PPP1R9A: variants seen among roughly 807,000 people sequenced by gnomAD.
The protein encoded by PPP1R9A is protein phosphatase 1 regulatory subunit 9A, also known as neurabin-1.
Under a neutral mutation model 141.9 loss-of-function variants are expected in PPP1R9A, and 59 were observed. The ratio of observed to expected loss-of-function variants is 0.42; its 90% CI spans 0.34 to 0.52. The LOEUF is 0.52. PPP1R9A is among the 20% of genes least tolerant of loss of function. The pLI, the probability that PPP1R9A is intolerant of heterozygous loss-of-function variation, is 0.10. For synonymous variants in PPP1R9A, 500 were observed against 569.7 expected, an observed-to-expected ratio of 0.88 and a Z score of 1.74; for missense variants, 1,444 against 1,611.9, an observed-to-expected ratio of 0.90 and a Z score of 1.78.
At position 95,198,636 on chromosome 7, in the gene PPP1R9A, C is replaced by T. The variant is rs995665251; in HGVS notation, c.1890+152C>T. 85 of 860,726 alleles carry T rather than the reference C, an allele frequency of 9.9e-5. 1 individual carries two copies. Among genetic ancestry groups the T allele is most frequent in the Non-Finnish European group, 1.2e-4 (73 of 601,322 alleles). 53.3% of individuals were successfully genotyped at this position (860,726 alleles called of 1,614,324 possible). A position where few individuals can be genotyped will look rare whatever the true frequency, so the allele number is the denominator to read the frequency against. ...TCTACCTTAGAAAAGAAATACTACTCGCATCTGATATACGCTTAAGAATCA... is the reference window on the plus strand; with the variant it reads ...TCTACCTTAGAAAAGAAATACTACTTGCATCTGATATACGCTTAAGAATCA... On this transcript the variant is annotated intron_variant, in intron 6 of 19. Coordinates refer to ENST00000433360, the MANE Select transcript of PPP1R9A (RefSeq NM_001166160.2).
At chr7:95,055,543 C>T (rs536277261) in intron 2 of PPP1R9A, among the ~76,000 whole-genome samples, 4 of 152,150 alleles carry the variant, frequency 2.6e-5, no homozygotes, top group Non-Finnish European at 4.4e-5. Flanking sequence ...TCTTCTCCAT[C>T]GAGCTCACCA....
intron 4 of PPP1R9A, among the ~76,000 whole-genome samples, chr7:95,157,719 A>T (rs1463268877): frequency 1.3e-5 from 2 of 152,240 alleles, no homozygotes; most frequent in African/African-American, 2.4e-5. Context: ...TAATGCATTC[A>T]TATGACATTG....
intron 2 of PPP1R9A, among the ~76,000 whole-genome samples, chr7:95,100,344 C>A (rs1374729280): frequency 5.3e-5 from 8 of 152,120 alleles, no homozygotes; most frequent in Non-Finnish European, 2.9e-5. Flanking sequence ...TACAAAAATA[C>A]ATACTTGATT....
chr7:94,917,066 T>G (rs544335988), intron 2 of PPP1R9A, among the ~76,000 whole-genome samples: 1 of 152,208 alleles, frequency 6.6e-6, no homozygotes, highest in African/African-American at 2.4e-5. Flanking sequence ...TCTGACCGCG[T>G]TGGCCTCCCA....
chr7:94,983,965 G>T (rs1563080846), intron 2 of PPP1R9A, among the ~76,000 whole-genome samples: 3 of 152,140 alleles, frequency 2.0e-5, no homozygotes, highest in Non-Finnish European at 4.4e-5. Context: ...CTGGCTGTGG[G>T]TTTGTCATAA....
At chr7:95,004,948 T>G (rs1215702119) in intron 2 of PPP1R9A, among the ~76,000 whole-genome samples, 2 of 152,200 alleles carry the variant, frequency 1.3e-5, no homozygotes, top group Non-Finnish European at 2.9e-5. Context: ...AGGATTTTAA[T>G]ATATTTTTCT....
At chr7:94,936,648 A>AGG (rs371458707) in intron 2 of PPP1R9A, among the ~76,000 whole-genome samples, 2 of 112,720 alleles carry the variant, frequency 1.8e-5, no homozygotes, top group South Asian at 3.8e-4. Context: ...GAGACTGTGT[A>AGG]GGGGTGTGTG....
At chr7:94,921,861 G>A (rs1792885312) in intron 2 of PPP1R9A, among the ~76,000 whole-genome samples, 1 of 151,754 alleles carries the variant, frequency 6.6e-6, no homozygotes, top group Admixed American at 6.6e-5. Context: ...AAACCTGTAA[G>A]TAAGTCTTTT....
rs1026726765 is a variant in PPP1R9A at position 95,270,225 on chromosome 7, G to A, written c.3124+718G>A. Among the ~76,000 whole-genome samples, 7 of 152,244 alleles carry A rather than the reference G, an allele frequency of 4.6e-5. No individual in the cohort carries two copies. The South Asian group carries it at 1.5e-3, about 32-fold the overall frequency. On this transcript the variant is annotated intron_variant, in intron 14 of 19. Coordinates refer to ENST00000433360, the MANE Select transcript of PPP1R9A (RefSeq NM_001166160.2). ...AAGCTTCCTGATGCCTGGTCTAGAA[G>A]TATATTTTCTTATACTCAAAATTGC...
intron 2 of PPP1R9A, among the ~76,000 whole-genome samples, chr7:95,068,700 A>G (rs1813333647): frequency 6.7e-6 from 1 of 150,106 alleles, no homozygotes; most frequent in Admixed American, 6.7e-5. Flanking sequence ...AATTGAGCTT[A>G]TGCTCTCAGC....
chr7:95,262,517 AGTT>A (rs1432592320), intron 12 of PPP1R9A, among the ~76,000 whole-genome samples: 1 of 152,204 alleles, frequency 6.6e-6, no homozygotes, highest in African/African-American at 2.4e-5. Context: ...CATTTCCTAT[AGTT>A]TTTTCTGACT....
intron 2 of PPP1R9A, among the ~76,000 whole-genome samples, chr7:94,921,129 CA>C (rs952196844): frequency 3.3e-5 from 5 of 151,970 alleles, no homozygotes; most frequent in African/African-American, 1.2e-4. Flanking sequence ...GAGGGAAAAG[CA>C]GGTTTATTGG....
intron 5 of PPP1R9A, among the ~76,000 whole-genome samples, chr7:95,192,914 A>G (rs946856004): frequency 5.3e-5 from 8 of 152,152 alleles, no homozygotes; most frequent in Non-Finnish European, 1.2e-4. Flanking sequence ...AAAATAGACC[A>G]GACACTTAAG....
Position 95,161,648 on chromosome 7 carries a change from AT to A in PPP1R9A, c.1650-213del, listed in dbSNP as rs939042679. Among the ~76,000 whole-genome samples, 22 of 152,008 alleles carry A rather than the reference AT, an allele frequency of 1.4e-4. 1 individual carries two copies. The highest frequency in any genetic ancestry group is 5.3e-4 in the African/African-American group (22 of 41,488). On this transcript the variant is annotated intron_variant, in intron 4 of 19. Coordinates refer to ENST00000433360, the MANE Select transcript of PPP1R9A (RefSeq NM_001166160.2). ...TACTTTTTATTGTATTACTTTTTTTATTTTTTCAAAATATTTTATATCCACA... is the reference window on the plus strand; with the variant it reads ...TACTTTTTATTGTATTACTTTTTTTATTTTTCAAAATATTTTATATCCACA...
intron 2 of PPP1R9A, among the ~76,000 whole-genome samples, chr7:94,989,734 G>A (rs947984805): frequency 6.6e-6 from 1 of 151,924 alleles, no homozygotes; most frequent in African/African-American, 2.4e-5. Flanking sequence ...TAGTATATTT[G>A]TAATACTTAT....
intron 5 of PPP1R9A, among the ~76,000 whole-genome samples, chr7:95,165,976 C>T (rs1008979180): frequency 9.9e-5 from 15 of 151,882 alleles, no homozygotes; most frequent in Non-Finnish European, 2.1e-4. Flanking sequence ...AGTAAAACCC[C>T]GTCTCTACTA....
chr7:95,290,363 C>G lies in PPP1R9A; in HGVS notation c.*60C>G, dbSNP rs1436202539. ...AGAGAAGTCCCCACCTCTTCCTGCCCTGCTCTCCTCCAGAGGATGAAAAAG... is the reference window on the plus strand; with the variant it reads ...AGAGAAGTCCCCACCTCTTCCTGCCGTGCTCTCCTCCAGAGGATGAAAAAG... On this transcript the variant is annotated 3_prime_UTR_variant, in exon 20 of 20. Coordinates refer to ENST00000433360, the MANE Select transcript of PPP1R9A (RefSeq NM_001166160.2). 2 of 1,504,232 alleles carry G rather than the reference C, an allele frequency of 1.3e-6. No individual in the cohort carries two copies. Among genetic ancestry groups the G allele is most frequent in the Non-Finnish European group, 1.8e-6 (2 of 1,111,072 alleles). 93.2% of individuals were successfully genotyped at this position (1,504,232 alleles called of 1,614,324 possible).
At chr7:95,172,935 T>C (rs1309366534) in intron 5 of PPP1R9A, among the ~76,000 whole-genome samples, 1 of 151,720 alleles carries the variant, frequency 6.6e-6, no homozygotes, top group East Asian at 1.9e-4. Flanking sequence ...TTTATAAAGG[T>C]ACCAAGGTAA....
Position 95,111,285 on chromosome 7 carries a change from C to G in PPP1R9A, c.1422C>G (p.Asp474Glu), listed in dbSNP as rs755128907. The G allele has an allele frequency of 8.7e-6, 14 of 1,611,714 alleles. No homozygotes were observed. The South Asian group carries it at 1.5e-4, about 18-fold the overall frequency. The change falls in exon 3 of 20, where the codon GAC (aspartate) becomes GAG (glutamate). Residue 474 changes from aspartate (D) to glutamate (E), a missense_variant. Asp to Glu is a conservative substitution (Grantham distance 45). Around this residue, in one of 5 missense-constraint regions of PPP1R9A, gnomAD observed 488 missense variants for 542.0 expected, o/e 0.90. Coordinates refer to ENST00000433360, the MANE Select transcript of PPP1R9A (RefSeq NM_001166160.2). ...TTTTCAACACATACTCCAATGAAGA[C>G]TATGACAGGAGAAATGACGAAGTTG... ...IKVFNTYSNE[D>E]YDRRNDEVDP...
Sources: gnomAD v4.1 joint callset for allele counts (sites outside exome capture counted in the v4.1 genomes callset) on GRCh38, gnomAD v4.1.1 for gene constraint, gnomAD v4.1.1 regional missense constraint, MANE v1.5 for transcripts, NCBI Gene and HGNC (gene_info 2026-07-23, HGNC 2026-07-21) for gene names.